The following RNF169 variants were observed in gnomAD, a reference collection of about 807,000 sequenced individuals.
RNF169 encodes the protein ring finger protein 169, also known as E3 ubiquitin-protein ligase RNF169.
In RNF169, 24 loss-of-function variants were observed where a neutral mutation model predicts 53.9. That is an observed-to-expected ratio of 0.45 (90% CI 0.32 to 0.63). The LOEUF (loss-of-function observed/expected upper bound fraction) is 0.63, where lower values mean the gene tolerates loss of function less well. Ranked by LOEUF, RNF169 falls within the 20% of genes least tolerant of loss-of-function variation. The pLI, the probability that RNF169 is intolerant of heterozygous loss-of-function variation, is 0.04. For synonymous variants in RNF169, 396 were observed against 363.5 expected (o/e 1.09, Z -1.02); for missense variants, 883 against 906.2 (o/e 0.97, Z 0.33).
chr11:74,749,065 G>T lies in RNF169; in HGVS notation c.185G>T (p.Arg62Leu), dbSNP rs1330124827. 1.4e-5 allele frequency: 20 copies of T among 1,466,788 alleles called. No individual in the cohort carries two copies. Among genetic ancestry groups the T allele is most frequent in the Non-Finnish European group, 1.7e-5 (19 of 1,108,326 alleles). 90.9% of individuals were successfully genotyped at this position (1,466,788 alleles called of 1,614,324 possible). A position where few individuals can be genotyped will look rare whatever the true frequency, so the allele number is the denominator to read the frequency against. Residue 62 changes from arginine to leucine, a missense_variant, in exon 1 of 6, where the codon CGG (arginine) becomes CTG (leucine). Arg to Leu is a moderately radical substitution (Grantham distance 102). This residue lies in a region of RNF169 where 313 missense variants were observed against 279.9 expected (regional missense o/e 1.12). Transcript: ENST00000299563. ...TTGCTGCAGCCGCCGCTGCCGCCGC[G>T]GCCGGAGGAATCGGGCTGCGCCGGG... The part of the protein sequence containing the change: ...PPLLQPPLPP[R>L]PEESGCAGCL...
intron 1 of RNF169, among the ~76,000 whole-genome samples, chr11:74,768,355 C>G (rs1437166916): frequency 6.6e-6 from 1 of 152,032 alleles, no homozygotes; most frequent in Non-Finnish European, 1.5e-5. Context: ...GCCTGTAATC[C>G]CAGCACTTCA....
At chr11:74,774,465 C>T (rs1270597792) in intron 1 of RNF169, among the ~76,000 whole-genome samples, 1 of 151,956 alleles carries the variant, frequency 6.6e-6, no homozygotes, top group African/African-American at 2.4e-5. Context: ...TTAAAGTTCC[C>T]TAGTTTTTAG....
intron 1 of RNF169, among the ~76,000 whole-genome samples, chr11:74,774,238 C>G (rs1328558740): frequency 6.6e-6 from 1 of 151,408 alleles, no homozygotes; most frequent in Non-Finnish European, 1.5e-5. Context: ...CCCGGCTGCT[C>G]AGGAGGCTGA....
chr11:74,814,784 A>G (rs114293027), intron 3 of RNF169, among the ~76,000 whole-genome samples: 1,796 of 152,164 alleles, frequency 0.012, 35 homozygotes, highest in African/African-American at 0.041. Context: ...TCTTTTATTG[A>G]TATTTTGCTA....
At chr11:74,765,245 A>G (rs762136392) in intron 1 of RNF169, among the ~76,000 whole-genome samples, 5 of 152,088 alleles carry the variant, frequency 3.3e-5, no homozygotes, top group Non-Finnish European at 5.9e-5. Context: ...AATACAATAT[A>G]TAACTTGATC....
chr11:74,834,181 C>T (rs1336835099), intron 4 of RNF169, among the ~76,000 whole-genome samples: 2 of 152,080 alleles, frequency 1.3e-5, no homozygotes, highest in African/African-American at 4.8e-5. Flanking sequence ...TTTGAAAGCT[C>T]AAATGTAATG....
In RNF169 at chr11:74,817,697, C is replaced by A. The variant is rs759537485; in HGVS notation, c.825C>A (p.Ser275=). ...TTGTTTCCAAGAACAACTCCTACTC[C>A]TTAGCTTTCCTGGCAGGGTAAGAGA... is the stretch of plus-strand genomic sequence containing the variant. ...SAFVSKNNSY[S]LAFLAGKLNS... The change falls in exon 4 of 6, where the codon TCC becomes TCA. Residue 275 remains serine, a synonymous_variant. Transcript: ENST00000299563. 1 of 1,609,184 alleles carries A rather than the reference C, an allele frequency of 6.2e-7. No individual in the cohort carries two copies. Among genetic ancestry groups the A allele is most frequent in the South Asian group, 1.1e-5 (1 of 90,976 alleles).
intron 1 of RNF169, among the ~76,000 whole-genome samples, chr11:74,764,441 G>A (rs1292376851): frequency 6.6e-6 from 1 of 152,152 alleles, no homozygotes; most frequent in Non-Finnish European, 1.5e-5. Flanking sequence ...CAGGAGAATC[G>A]CTGAACCCAG....
intron 4 of RNF169, among the ~76,000 whole-genome samples, chr11:74,820,176 A>G (rs2035991174): frequency 6.6e-6 from 1 of 152,180 alleles, no homozygotes; most frequent in South Asian, 2.1e-4. Context: ...AAGTGATGTG[A>G]TATTGGAATA....
intron 1 of RNF169, among the ~76,000 whole-genome samples, chr11:74,759,239 A>G (rs1246201496): frequency 7.5e-6 from 1 of 133,192 alleles, no homozygotes; most frequent in Non-Finnish European, 1.6e-5. Context: ...TAGATAAACA[A>G]TCATGTCGTC....
intron 1 of RNF169, among the ~76,000 whole-genome samples, chr11:74,754,592 G>T (rs1319418173): frequency 6.6e-6 from 1 of 152,174 alleles, no homozygotes; most frequent in Non-Finnish European, 1.5e-5. Context: ...AAGCAGAGGT[G>T]GGCGGATCAG....
intron 4 of RNF169, among the ~76,000 whole-genome samples, chr11:74,827,011 C>A (rs1410689203): frequency 6.6e-6 from 1 of 152,210 alleles, no homozygotes; most frequent in Non-Finnish European, 1.5e-5. Flanking sequence ...CTTATCACAG[C>A]TCCTCTAGGC....
At chr11:74,789,263 A>G (rs2035547693) in intron 1 of RNF169, among the ~76,000 whole-genome samples, 1 of 152,210 alleles carries the variant, frequency 6.6e-6, no homozygotes, top group African/African-American at 2.4e-5. Flanking sequence ...TCTGTGAGGG[A>G]AATGCAGGGA....
At chr11:74,765,521 C>A (rs1228594729) in intron 1 of RNF169, among the ~76,000 whole-genome samples, 1 of 152,124 alleles carries the variant, frequency 6.6e-6, no homozygotes, top group Non-Finnish European at 1.5e-5. Flanking sequence ...ACAAAACCAG[C>A]CGGGTGCGGT....
chr11:74,811,102 TATA>T (rs2035869048), intron 3 of RNF169, among the ~76,000 whole-genome samples: 1 of 152,148 alleles, frequency 6.6e-6, no homozygotes, highest in African/African-American at 2.4e-5. Flanking sequence ...CTTTACCATC[TATA>T]ATGACAGGCA....
At chr11:74,767,388 T>A (rs527878825) in intron 1 of RNF169, among the ~76,000 whole-genome samples, 1 of 151,972 alleles carries the variant, frequency 6.6e-6, no homozygotes, top group Non-Finnish European at 1.5e-5. Context: ...ACATGTGGAA[T>A]AGGAGAAAGT....
intron 1 of RNF169, among the ~76,000 whole-genome samples, chr11:74,787,516 A>G (rs1209287325): frequency 6.6e-6 from 1 of 152,210 alleles, no homozygotes; most frequent in Non-Finnish European, 1.5e-5. Flanking sequence ...ATGTGAGTAG[A>G]TCGGCTTCTT....
chr11:74,763,185 C>T (rs947420983), intron 1 of RNF169, among the ~76,000 whole-genome samples: 1 of 152,248 alleles, frequency 6.6e-6, no homozygotes, highest in Admixed American at 6.5e-5. Context: ...TTATATGGCT[C>T]AGAAATTAAT....
rs1172402985 is a variant in RNF169 at position 74,749,326 on chromosome 11, C to T, written c.446C>T (p.Ala149Val). The T allele has an allele frequency of 3.3e-6, 4 of 1,199,976 alleles. No individual in the cohort carries two copies. Among genetic ancestry groups the T allele is most frequent in the Middle Eastern group, 3.3e-4 (1 of 3,030 alleles). The allele number at this position is 1,199,976 out of a possible 1,614,324, so 74.3% of individuals were successfully genotyped here. Reference protein sequence around the residue: ...ERCRPRRDGGAAAAGPRPEQE... With the variant: ...ERCRPRRDGGVAAAGPRPEQE... ...TGCCGCCCGCGCCGGGACGGGGGCG[C>T]GGCTGCCGCGGGGCCCAGGCCAGAG... The change falls in exon 1 of 6, where the codon GCG becomes GTG. Residue 149 changes from alanine (A) to valine (V), a missense_variant. Transcript: ENST00000299563.
Sources: gnomAD v4.1 joint callset for allele counts (sites outside exome capture counted in the v4.1 genomes callset) on GRCh38, gnomAD v4.1.1 for gene constraint, gnomAD v4.1.1 regional missense constraint, MANE v1.5 for transcripts, NCBI Gene and HGNC (gene_info 2026-07-23, HGNC 2026-07-21) for gene names.